Variants in MYO16 observed in about 807,000 individuals in gnomAD.
MYO16 encodes the protein unconventional myosin-XVI.
In MYO16, 94 loss-of-function variants were observed where a neutral mutation model predicts 205.3. The observed-to-expected ratio is 0.46, with a 90% CI of 0.39 to 0.54. The LOEUF (loss-of-function observed/expected upper bound fraction) is 0.54. Among genes scored for constraint, MYO16 ranks in the 20% least tolerant of loss-of-function variants. The pLI is 0.00. For synonymous variants in MYO16, 988 were observed against 954.0 expected, an observed-to-expected ratio of 1.04 and a Z score of -0.66; for missense variants, 2,315 against 2,387.5, an observed-to-expected ratio of 0.97 and a Z score of 0.63.
chr13:108,499,725 G>C, the MYO16 span, among the ~76,000 whole-genome samples: 1 of 152,142 alleles, frequency 6.6e-6, no homozygotes, highest in African/African-American at 2.4e-5. Context: ...TAAGTGGTAG[G>C]ATCAAATCAA....
At chr13:108,851,638 G>A (rs951712227) in intron 10 of MYO16, among the ~76,000 whole-genome samples, 2 of 152,162 alleles carry the variant, frequency 1.3e-5, no homozygotes, top group Admixed American at 1.3e-4. Context: ...GTGCAACTTA[G>A]TTGCATACAG....
the MYO16 span, among the ~76,000 whole-genome samples, chr13:108,577,687 CA>C: frequency 1.3e-5 from 2 of 152,212 alleles, no homozygotes; most frequent in Non-Finnish European, 2.9e-5. Flanking sequence ...TTAAAGTTGT[CA>C]GACACTTTGC....
At chr13:108,912,574 ATACCT>A (rs771427932) in intron 16 of MYO16, among the ~76,000 whole-genome samples, 44 of 152,218 alleles carry the variant, frequency 2.9e-4, no homozygotes, top group Middle Eastern at 6.8e-3. Context: ...ACTCAAGTGA[ATACCT>A]TTTATGCAGC....
chr13:108,567,015 G>C, the MYO16 span, among the ~76,000 whole-genome samples: 3 of 152,148 alleles, frequency 2.0e-5, no homozygotes, highest in African/African-American at 7.2e-5. Context: ...ATTTTTAAAT[G>C]TCAAAAGATT....
At chr13:109,082,303 C>A (rs1269052038) in intron 27 of MYO16, among the ~76,000 whole-genome samples, 1 of 152,162 alleles carries the variant, frequency 6.6e-6, no homozygotes, top group Non-Finnish European at 1.5e-5. Context: ...AACATCACTC[C>A]TCTTTAAGAA....
At chr13:108,500,747 C>G in the MYO16 span, among the ~76,000 whole-genome samples, 1 of 152,188 alleles carries the variant, frequency 6.6e-6, no homozygotes, top group East Asian at 1.9e-4. Context: ...TCTTCGTGCT[C>G]CAGTCTTACA....
chr13:108,792,057 C>T (rs1169128906), intron 5 of MYO16, among the ~76,000 whole-genome samples: 1 of 152,132 alleles, frequency 6.6e-6, no homozygotes, highest in Admixed American at 6.5e-5. Context: ...ATTAATTCTC[C>T]TTAGTAAATA....
intron 20 of MYO16, among the ~76,000 whole-genome samples, chr13:108,991,516 A>G (rs1339993645): frequency 6.6e-6 from 1 of 152,232 alleles, no homozygotes; most frequent in East Asian, 1.9e-4. Context: ...ATTGTGTTTT[A>G]CCTTACATCG....
At chr13:109,178,581 C>G (rs1031694968) in intron 33 of MYO16, among the ~76,000 whole-genome samples, 3 of 152,178 alleles carry the variant, frequency 2.0e-5, no homozygotes, top group African/African-American at 7.2e-5. Flanking sequence ...GAGTTGAATT[C>G]ATTTTGTTGG....
chr13:108,665,796 A>G, intron 1 of MYO16, 90 bp from the exon 2 acceptor site: 1 of 1,355,306 alleles, frequency 7.4e-7, no homozygotes, highest in Non-Finnish European at 9.9e-7. Flanking sequence ...GACCTGTGCA[A>G]TGGACAATAT....
At chr13:108,525,165 G>A in the MYO16 span, among the ~76,000 whole-genome samples, 2 of 152,128 alleles carry the variant, frequency 1.3e-5, no homozygotes, top group African/African-American at 4.8e-5. Context: ...GAGATAACGT[G>A]TGATGAGTGC....
At chr13:109,190,784 A>G (rs941313290) in intron 34 of MYO16, among the ~76,000 whole-genome samples, 3 of 152,178 alleles carry the variant, frequency 2.0e-5, no homozygotes, top group Admixed American at 1.3e-4. Flanking sequence ...ACATCCTTAC[A>G]TTACCTATCA....
intron 11 of MYO16, among the ~76,000 whole-genome samples, 192 bp downstream of exon 11, chr13:108,855,745 C>T (rs1398764216): frequency 6.6e-6 from 1 of 152,164 alleles, no homozygotes; most frequent in Non-Finnish European, 1.5e-5. Flanking sequence ...AGCACAGTTC[C>T]AAATTCTGGA....
chr13:108,925,991 C>G (rs1881981142), intron 16 of MYO16, among the ~76,000 whole-genome samples: 1 of 152,248 alleles, frequency 6.6e-6, no homozygotes, highest in African/African-American at 2.4e-5. Flanking sequence ...CTTCCAGTCT[C>G]TGCCACTGTC....
At chr13:108,736,746 T>A (rs1392173260) in intron 4 of MYO16, among the ~76,000 whole-genome samples, 1 of 152,220 alleles carries the variant, frequency 6.6e-6, no homozygotes, top group Non-Finnish European at 1.5e-5. Flanking sequence ...TATGGCCATT[T>A]TCACAATATT....
chr13:108,834,763 G>A (rs993567345), intron 9 of MYO16, among the ~76,000 whole-genome samples: 1 of 147,830 alleles, frequency 6.8e-6, no homozygotes, highest in Non-Finnish European at 1.5e-5. Flanking sequence ...CATTTAATGT[G>A]TATTAAGAAA....
In MYO16 at chr13:109,140,534, C is replaced by T. The variant is rs1219825863; in HGVS notation, c.4322C>T (p.Ala1441Val). 1.9e-6 allele frequency: 3 copies of T among 1,549,240 alleles called. No individual in the cohort carries two copies. The highest frequency in any genetic ancestry group is 2.8e-5 in the African/African-American group (2 of 71,868). The change falls in exon 32 of 35, where the codon GCG becomes GTG. Residue 1441 changes from alanine to valine, a missense_variant. Around this residue, in one of 3 missense-constraint regions of MYO16, gnomAD observed 1,097 missense variants for 1,092.0 expected, o/e 1.00. Coordinates refer to ENST00000457511, the MANE Select transcript of MYO16 (RefSeq NM_001198950.3). The surrounding 1 kb of genome is among the most constrained non-coding windows in gnomAD (Gnocchi z 8.0). ...GTGTACATCGAGATGCTGGGGCACG[C>T]GGCCAGGCCCGATAGCCCGGACCCC... is the stretch of plus-strand genomic sequence containing the variant. ...EPVYIEMLGH[A>V]ARPDSPDPGE...
At chr13:108,927,631 C>T (rs1882069062) in intron 16 of MYO16, among the ~76,000 whole-genome samples, 1 of 152,216 alleles carries the variant, frequency 6.6e-6, no homozygotes, top group Non-Finnish European at 1.5e-5. Context: ...GAAATTTTCT[C>T]TGAGATGAGG....
At position 109,195,177 on chromosome 13, in the gene MYO16, C is replaced by T. The variant is rs1880100049; in HGVS notation, c.5416-11432C>T. ...AGATAAGGTAAAAAATGCAAATCCT[C>T]TCTCTTGCTTCCTTCCCTCACTATT... On this transcript the variant is annotated intron_variant, in intron 34 of 34. Coordinates refer to ENST00000457511, the MANE Select transcript of MYO16 (RefSeq NM_001198950.3). Among the ~76,000 whole-genome samples, 3 of 152,076 alleles carry T rather than the reference C, an allele frequency of 2.0e-5. No individual in the cohort carries two copies. The South Asian group carries it at 6.2e-4, about 31-fold the overall frequency.
Sources: allele counts gnomAD v4.1 joint callset (sites outside exome capture counted in the v4.1 genomes callset), GRCh38; gene constraint gnomAD v4.1.1; regional missense constraint gnomAD v4.1.1; non-coding constraint Gnocchi (gnomAD v3.1); transcripts MANE v1.5; gene names NCBI Gene and HGNC (gene_info 2026-07-23, HGNC 2026-07-21).